The following ANKK1 variants were observed in gnomAD, a reference collection of about 807,000 sequenced individuals.
ANKK1 encodes ankyrin repeat and kinase domain containing 1.
Under a neutral mutation model 37.6 loss-of-function variants are expected in ANKK1, and 37 were observed. The ratio of observed to expected loss-of-function variants is 0.98; its 90% CI spans 0.76 to 1.29. The LOEUF (loss-of-function observed/expected upper bound fraction) is 1.29. ANKK1 is among the 50% of genes most tolerant of loss of function. The pLI is 0.00. For synonymous variants in ANKK1, 415 were observed against 418.7 expected, an observed-to-expected ratio of 0.99 and a Z score of 0.11; for missense variants, 1,019 against 990.6, an observed-to-expected ratio of 1.03 and a Z score of -0.39.
chr11:113,398,691 A>G (rs1950659700), intron 7 of ANKK1, among the ~76,000 whole-genome samples: 1 of 152,108 alleles, frequency 6.6e-6, no homozygotes, highest in South Asian at 2.1e-4. Context: ...TGAGGAGTGA[A>G]ATCAGGATTT....
intron 2 of ANKK1, among the ~76,000 whole-genome samples, chr11:113,394,528 C>T (rs1363263245): frequency 1.3e-5 from 2 of 152,152 alleles, no homozygotes; most frequent in African/African-American, 2.4e-5. Flanking sequence ...AGATAAATGT[C>T]CATGGTGTGT....
At chr11:113,398,675 G>C (rs1950659547) in intron 7 of ANKK1, among the ~76,000 whole-genome samples, 1 of 152,124 alleles carries the variant, frequency 6.6e-6, no homozygotes, top group Non-Finnish European at 1.5e-5. Flanking sequence ...TAAGGTCGGG[G>C]GATGCTGAGG....
In ANKK1 at chr11:113,399,490, T is replaced by C. The variant is rs1368319427; in HGVS notation, c.1521T>C (p.Val507=). Reference sequence around the variant, plus strand: ...ATGTGGCCGCCTACTTTGGCCATGTTAGCCTGGTCAAGCTGCTGACCAGCC... The same window carrying C: ...ATGTGGCCGCCTACTTTGGCCATGTCAGCCTGGTCAAGCTGCTGACCAGCC... ...PLHVAAYFGH[V]SLVKLLTSQG... is the part of the protein sequence containing the mutation. The change falls in exon 8 of 8, where the codon GTT becomes GTC. Residue 507 remains valine, a synonymous_variant. Coordinates refer to ENST00000303941, the MANE Select transcript of ANKK1 (RefSeq NM_178510.2). 6.3e-7 allele frequency: 1 copy of C among 1,592,354 alleles called. No individual in the cohort carries two copies. The highest frequency in any genetic ancestry group is 8.5e-7 in the Non-Finnish European group (1 of 1,169,968).
At chr11:113,390,472 C>T (rs916200280) in intron 1 of ANKK1, among the ~76,000 whole-genome samples, 1 of 152,206 alleles carries the variant, frequency 6.6e-6, no homozygotes, top group Non-Finnish European at 1.5e-5. Flanking sequence ...GGCCTGGTGG[C>T]TCACGCTTGT....
In ANKK1 at chr11:113,388,001, G is replaced by A; in HGVS notation, c.117G>A (p.Ala39=). 1.3e-6 allele frequency: 2 copies of A among 1,569,566 alleles called. No individual in the cohort carries two copies. The highest frequency in any genetic ancestry group is 8.6e-7 in the Non-Finnish European group (1 of 1,163,310). ...ASGGFSQVFQ[A]RHRRWRTEYA... is the part of the protein sequence containing the mutation. ...GCGGCTTCAGCCAGGTGTTCCAGGC[G>A]CGGCACAGGCGCTGGCGGACGGAGT... The change falls in exon 1 of 8, where the codon GCG becomes GCA. Residue 39 remains alanine, a synonymous_variant. Transcript: ENST00000303941.
At chr11:113,389,294 A>G (rs577971928) in intron 1 of ANKK1, among the ~76,000 whole-genome samples, 1 of 152,302 alleles carries the variant, frequency 6.6e-6, no homozygotes, top group East Asian at 1.9e-4. Context: ...GGAGGGGGTA[A>G]GATAATTAAT....
At chr11:113,396,301 G>T in intron 5 of ANKK1, 79 bp downstream of exon 5, 1 of 1,538,566 alleles carries the variant, frequency 6.5e-7, no homozygotes, top group Non-Finnish European at 8.8e-7. Flanking sequence ...ACTCCTGGGA[G>T]CTATGCAGAG....
chr11:113,399,248 G>A lies in ANKK1; in HGVS notation c.1279G>A (p.Asp427Asn), dbSNP rs754594883. The change falls in exon 8 of 8, where the codon GAT becomes AAT. Residue 427 changes from aspartate to asparagine, a missense_variant. By Grantham distance (23) the Asp-to-Asn change is conservative (BLOSUM62 1). Coordinates refer to ENST00000303941, the MANE Select transcript of ANKK1 (RefSeq NM_178510.2). The stretch of plus-strand genomic sequence containing the variant: ...TGCTGATGCCAACCGAGTGGATGAG[G>A]ATGGCTGGGCCCCACTGCACTTTGC... ...HGADANRVDEDGWAPLHFAAQ... is the reference protein window; with the variant it reads ...HGADANRVDENGWAPLHFAAQ... The A allele has an allele frequency of 1.6e-5, 26 of 1,607,826 alleles. No homozygotes were observed. Among genetic ancestry groups the A allele is most frequent in the African/African-American group, 2.7e-5 (2 of 74,832 alleles).
In ANKK1 at chr11:113,393,493, T is replaced by C; in HGVS notation, c.198T>C (p.Asn66=). 1.9e-6 allele frequency: 3 copies of C among 1,613,326 alleles called. No homozygotes were observed. Among genetic ancestry groups the C allele is most frequent in the Non-Finnish European group, 1.7e-6 (2 of 1,179,460 alleles). Residue 66 remains asparagine, a synonymous_variant, in exon 2 of 8, where the codon AAT becomes AAC. Transcript: ENST00000303941. The part of the protein sequence containing the change: ...LPPDAASSDV[N]YLIEEAAKMK... ...CCCCTCTCCATAGCTCTGATGTGAA[T>C]TACCTCATTGAAGAAGCTGCCAAAA...
At chr11:113,388,157 G>A (rs1476748561) in intron 1 of ANKK1, 88 bp downstream of exon 1, 2 of 1,410,166 alleles carry the variant, frequency 1.4e-6, no homozygotes, top group Non-Finnish European at 1.9e-6. Context: ...GGAAGGAGTG[G>A]GCTGAGTTTG....
At position 113,395,341 on chromosome 11, in the gene ANKK1, G is replaced by A. The variant is rs1185402737; in HGVS notation, c.633-18G>A. The A allele has an allele frequency of 3.1e-6, 5 of 1,613,724 alleles. No individual in the cohort carries two copies. Among genetic ancestry groups the A allele is most frequent in the Non-Finnish European group, 4.2e-6 (5 of 1,179,822 alleles). On this transcript the variant is annotated intron_variant, in intron 3 of 7. Coordinates refer to ENST00000303941, the MANE Select transcript of ANKK1 (RefSeq NM_178510.2). ...ATGTTCAACTAAGTCATTCAGAAAG[G>A]GTTCTCTGCATCCACAGCTTTGCAA...
At chr11:113,394,076 G>A (rs921874948) in intron 2 of ANKK1, among the ~76,000 whole-genome samples, 2 of 152,170 alleles carry the variant, frequency 1.3e-5, no homozygotes, top group African/African-American at 4.8e-5. Context: ...GTGTGTAAAT[G>A]AGACAATCCC....
At chr11:113,389,046 C>G (rs1232849110) in intron 1 of ANKK1, among the ~76,000 whole-genome samples, 2 of 152,174 alleles carry the variant, frequency 1.3e-5, no homozygotes, top group African/African-American at 4.8e-5. Flanking sequence ...CCCAGGCCTT[C>G]CCCCACCTTA....
At chr11:113,394,601 T>C in intron 2 of ANKK1, 1 of 461,084 alleles carries the variant, frequency 2.2e-6, no homozygotes, top group South Asian at 1.7e-5. Flanking sequence ...TCATAGTCTC[T>C]GGATAATAAC....
intron 1 of ANKK1, among the ~76,000 whole-genome samples, chr11:113,390,241 T>G (rs1950577293): frequency 6.6e-6 from 1 of 152,192 alleles, no homozygotes; most frequent in Non-Finnish European, 1.5e-5. Context: ...CAATAAATAT[T>G]TATTGAATGG....
intron 2 of ANKK1, chr11:113,394,617 C>A: frequency 2.0e-6 from 1 of 500,462 alleles, no homozygotes; most frequent in Admixed American, 2.3e-5. Flanking sequence ...ATAACACCTA[C>A]CACATCCTAA....
At chr11:113,389,680 AATGAGT>A (rs1439877955) in intron 1 of ANKK1, among the ~76,000 whole-genome samples, 2 of 152,230 alleles carry the variant, frequency 1.3e-5, no homozygotes, top group African/African-American at 4.8e-5. Flanking sequence ...AAATGTGAAG[AATGAGT>A]ATAAGTTAAG....
chr11:113,398,923 G>T, intron 7 of ANKK1, 41 bp from the exon 8 acceptor site: 1 of 1,522,432 alleles, frequency 6.6e-7, no homozygotes, highest in Non-Finnish European at 8.8e-7. Context: ...CTCTGGACGG[G>T]TCACAGGTCT....
At chr11:113,390,092 G>A (rs553795567) in intron 1 of ANKK1, among the ~76,000 whole-genome samples, 1 of 152,174 alleles carries the variant, frequency 6.6e-6, no homozygotes, top group South Asian at 2.1e-4. Flanking sequence ...GGAGGATCAC[G>A]ATGAGGAAGA....
Sources: gnomAD v4.1 joint callset for allele counts (sites outside exome capture counted in the v4.1 genomes callset) on GRCh38, gnomAD v4.1.1 for gene constraint, MANE v1.5 for transcripts, NCBI Gene and HGNC (gene_info 2026-07-23, HGNC 2026-07-21) for gene names.